DCC: variants seen among roughly 807,000 people sequenced by gnomAD.
DCC encodes netrin receptor DCC.
In DCC, 58 loss-of-function variants were observed where a neutral mutation model predicts 172.5. That is an observed-to-expected ratio of 0.34 (90% confidence interval 0.27 to 0.42). DCC has a LOEUF of 0.42. DCC is among the 10% of genes least tolerant of loss of function. The pLI is 1.00. For missense variants in DCC, 1,740 were observed against 1,791.0 expected, an observed-to-expected ratio of 0.97 and a Z score of 0.51; for synonymous variants, 709 against 644.5, an observed-to-expected ratio of 1.10 and a Z score of -1.52.
At chr18:53,156,994 A>C (rs1598857084) in intron 7 of DCC, among the ~76,000 whole-genome samples, 1 of 152,312 alleles carries the variant, frequency 6.6e-6, no homozygotes, top group South Asian at 2.1e-4. Flanking sequence ...TATTATCCAC[A>C]GTTCTAAGGT....
At chr18:52,911,930 A>T (rs1598922518) in intron 3 of DCC, among the ~76,000 whole-genome samples, 1 of 152,098 alleles carries the variant, frequency 6.6e-6, no homozygotes, top group Non-Finnish European at 1.5e-5. Flanking sequence ...ATTGTATTTA[A>T]GCCAGATGAA....
chr18:52,491,317 CA>C (rs1407799609), intron 1 of DCC, among the ~76,000 whole-genome samples: 2 of 151,972 alleles, frequency 1.3e-5, no homozygotes, highest in Non-Finnish European at 2.9e-5. Flanking sequence ...ATACAGGAAT[CA>C]AACATGCAAA....
intron 1 of DCC, among the ~76,000 whole-genome samples, chr18:52,418,265 G>T (rs1987116287): frequency 6.6e-6 from 1 of 152,160 alleles, no homozygotes; most frequent in Admixed American, 6.6e-5. Flanking sequence ...TACCCCTGGT[G>T]TATCTTGAGA....
intron 5 of DCC, among the ~76,000 whole-genome samples, chr18:53,000,780 A>G (rs1327773138): frequency 6.6e-6 from 1 of 151,900 alleles, no homozygotes; most frequent in Non-Finnish European, 1.5e-5. Flanking sequence ...TTGATAAATG[A>G]TGATGATTTT....
At chr18:52,583,386 A>C (rs2033598098) in intron 1 of DCC, among the ~76,000 whole-genome samples, 1 of 152,224 alleles carries the variant, frequency 6.6e-6, no homozygotes, top group Non-Finnish European at 1.5e-5. Context: ...AGAAGTTGTC[A>C]CAAAATATCA....
intron 15 of DCC, among the ~76,000 whole-genome samples, chr18:53,352,211 G>C (rs977448586): frequency 6.6e-6 from 1 of 152,080 alleles, no homozygotes; most frequent in African/African-American, 2.4e-5. Context: ...TAAAGTTTCT[G>C]ATTAAATACA....
chr18:52,897,995 T>A (rs1261363825), intron 2 of DCC, among the ~76,000 whole-genome samples: 1 of 152,228 alleles, frequency 6.6e-6, no homozygotes, highest in Non-Finnish European at 1.5e-5. Flanking sequence ...CTAGAGAATG[T>A]CTCTTTGGCT....
At chr18:52,747,980 C>A (rs1360119922) in intron 1 of DCC, among the ~76,000 whole-genome samples, 2 of 152,196 alleles carry the variant, frequency 1.3e-5, no homozygotes, top group Non-Finnish European at 2.9e-5. Context: ...CACTGGGTTC[C>A]GAGCTGGCCG....
At chr18:53,382,069 A>AACACACACACACACACAC (rs61553123) in intron 15 of DCC, among the ~76,000 whole-genome samples, 13 of 122,854 alleles carry the variant, frequency 1.1e-4, no homozygotes, top group African/African-American at 3.0e-4. Context: ...GATTAAAAAC[A>AACACACACACACACACAC]ACACACACAC....
intron 1 of DCC, among the ~76,000 whole-genome samples, chr18:52,345,470 C>A (rs1055545057): frequency 6.6e-6 from 1 of 152,166 alleles, no homozygotes; most frequent in Non-Finnish European, 1.5e-5. Context: ...CTTAAGGAAT[C>A]ATAGCTTGGA....
intron 2 of DCC, among the ~76,000 whole-genome samples, chr18:52,808,005 C>T (rs2038119535): frequency 6.6e-6 from 1 of 152,156 alleles, no homozygotes; most frequent in African/African-American, 2.4e-5. Flanking sequence ...GGGGCCTTGG[C>T]TCTGGGGTTG....
intron 5 of DCC, among the ~76,000 whole-genome samples, chr18:52,992,259 C>T (rs1036362041): frequency 6.6e-6 from 1 of 152,120 alleles, no homozygotes; most frequent in Non-Finnish European, 1.5e-5. Context: ...CACAGGAGCT[C>T]CCCCAAGTGT....
At chr18:52,986,876 G>A (rs949867035) in intron 5 of DCC, among the ~76,000 whole-genome samples, 4 of 149,926 alleles carry the variant, frequency 2.7e-5, no homozygotes, top group African/African-American at 9.9e-5. Context: ...ATATATATGC[G>A]CAGTGGTGTG....
chr18:52,914,466 T>G (rs191710481), intron 3 of DCC, among the ~76,000 whole-genome samples: 5 of 152,280 alleles, frequency 3.3e-5, no homozygotes, highest in Admixed American at 3.3e-4. Flanking sequence ...TTGGTGTAAA[T>G]GAGGAAGGAA....
At chr18:52,819,128 A>AACAAT (rs1448332888) in intron 2 of DCC, among the ~76,000 whole-genome samples, 3 of 152,314 alleles carry the variant, frequency 2.0e-5, no homozygotes, top group African/African-American at 7.2e-5. Flanking sequence ...ACCCCTGATT[A>AACAAT]ACAATACAAT....
chr18:53,334,227 C>A lies in DCC; in HGVS notation c.2165-5486C>A, dbSNP rs1268366087. Among the ~76,000 whole-genome samples the A allele has an allele frequency of 1.3e-5, 2 of 152,114 alleles. 1 individual carries two copies. Among genetic ancestry groups the A allele is most frequent in the Non-Finnish European group, 2.9e-5 (2 of 68,020 alleles). ...TTTTCACCCAGAAAAATAGAGTGAT[C>A]TTTCAGTAATATCAATGAGACCACA... On this transcript the variant is annotated intron_variant, in intron 14 of 28. Coordinates refer to ENST00000442544, the MANE Select transcript of DCC (RefSeq NM_005215.4).
intron 2 of DCC, among the ~76,000 whole-genome samples, chr18:52,791,593 C>A (rs1233732970): frequency 6.6e-6 from 1 of 152,014 alleles, no homozygotes; most frequent in Non-Finnish European, 1.5e-5. Context: ...TAATGCTCAC[C>A]CAAGTGGCTC....
intron 8 of DCC, among the ~76,000 whole-genome samples, chr18:53,166,056 G>C (rs1013325105): frequency 6.6e-6 from 1 of 152,150 alleles, no homozygotes; most frequent in African/African-American, 2.4e-5. Flanking sequence ...TGGTAGCTTG[G>C]TCTAAGGGTA....
At chr18:52,655,223 C>G (rs1298521311) in intron 1 of DCC, among the ~76,000 whole-genome samples, 2 of 152,052 alleles carry the variant, frequency 1.3e-5, no homozygotes, top group African/African-American at 2.4e-5. Flanking sequence ...CAACGCAGTT[C>G]TGCTTGGTTG....
Sources: allele counts gnomAD v4.1 joint callset (sites outside exome capture counted in the v4.1 genomes callset), GRCh38; gene constraint gnomAD v4.1.1; transcripts MANE v1.5; gene names NCBI Gene and HGNC (gene_info 2026-07-23, HGNC 2026-07-21).